RNF169: variants seen among roughly 807,000 people sequenced by gnomAD.
The protein encoded by RNF169 is E3 ubiquitin-protein ligase RNF169.
In RNF169, 24 loss-of-function variants were observed where a neutral mutation model predicts 53.9. The ratio of observed to expected loss-of-function variants is 0.45; its 90% CI spans 0.32 to 0.63. RNF169 has a LOEUF of 0.63. Ranked by LOEUF, RNF169 falls within the 20% of genes least tolerant of loss-of-function variation. RNF169 has a pLI of 0.04. For missense variants in RNF169, 883 were observed against 906.2 expected (o/e 0.97, Z 0.33); for synonymous variants, 396 against 363.5 (o/e 1.09, Z -1.02).
At chr11:74,765,251 T>C (rs1428478496) in intron 1 of RNF169, among the ~76,000 whole-genome samples, 1 of 151,906 alleles carries the variant, frequency 6.6e-6, no homozygotes, top group Non-Finnish European at 1.5e-5. Context: ...ATATATAACT[T>C]GATCTCTACA....
At position 74,770,552 on chromosome 11, in the gene RNF169, A is replaced by AT. The variant is rs571094479; in HGVS notation, c.503-19067dup. Among the ~76,000 whole-genome samples, 89 of 152,216 alleles carry AT rather than the reference A, an allele frequency of 5.8e-4. 2 individuals are homozygous for AT. Among genetic ancestry groups the AT allele is most frequent in the Admixed American group, 3.2e-3 (49 of 15,292 alleles). ...TAAACATATCTACCAGTAGCTCGCTATTTTTTTCAAAATAATGGCTCGCAG... is the reference window on the plus strand; with the variant it reads ...TAAACATATCTACCAGTAGCTCGCTATTTTTTTTCAAAATAATGGCTCGCAG... On this transcript the variant is annotated intron_variant, in intron 1 of 5. Transcript: ENST00000299563.
intron 4 of RNF169, among the ~76,000 whole-genome samples, chr11:74,830,034 A>T (rs2036155452): frequency 6.6e-6 from 1 of 152,208 alleles, no homozygotes; most frequent in South Asian, 2.1e-4. Context: ...AAAATTAAAG[A>T]AAACCTGTAC....
chr11:74,806,148 A>G (rs1046979468), intron 2 of RNF169, among the ~76,000 whole-genome samples: 1 of 152,238 alleles, frequency 6.6e-6, no homozygotes, highest in East Asian at 1.9e-4. Flanking sequence ...ACTAGAGGAA[A>G]AAAACAAACA....
intron 1 of RNF169, among the ~76,000 whole-genome samples, chr11:74,769,203 G>A (rs1357235774): frequency 1.3e-5 from 2 of 152,148 alleles, no homozygotes; most frequent in Non-Finnish European, 2.9e-5. Flanking sequence ...GAAAAATGGT[G>A]AGAAGATTTG....
chr11:74,814,285 A>G (rs2035914064), intron 3 of RNF169, among the ~76,000 whole-genome samples: 1 of 151,790 alleles, frequency 6.6e-6, no homozygotes, highest in South Asian at 2.1e-4. Flanking sequence ...AGCTGAGATC[A>G]TGCTACTATA....
chr11:74,809,233 T>G (rs1424394815), intron 2 of RNF169, among the ~76,000 whole-genome samples: 1 of 152,190 alleles, frequency 6.6e-6, no homozygotes, highest in Non-Finnish European at 1.5e-5. Flanking sequence ...TATAATTGCT[T>G]TGATATACAT....
intron 4 of RNF169, among the ~76,000 whole-genome samples, chr11:74,823,738 GAAAAA>G (rs35164191): frequency 9.5e-6 from 1 of 105,772 alleles, no homozygotes; most frequent in Non-Finnish European, 2.0e-5. Context: ...CCCTGTCTCA[GAAAAA>G]AAAAAAAAAA....
chr11:74,750,071 G>A (rs1280252729), intron 1 of RNF169, among the ~76,000 whole-genome samples: 1 of 152,180 alleles, frequency 6.6e-6, no homozygotes, highest in Non-Finnish European at 1.5e-5. Flanking sequence ...GGTGGCAGGG[G>A]CTGCTTCTAT....
At chr11:74,755,029 T>C (rs1014037664) in intron 1 of RNF169, among the ~76,000 whole-genome samples, 1 of 152,194 alleles carries the variant, frequency 6.6e-6, no homozygotes. Flanking sequence ...CTAAATTACA[T>C]TTAGGACTAA....
At chr11:74,814,759 AATTT>A (rs1287921158) in intron 3 of RNF169, among the ~76,000 whole-genome samples, 12 of 152,084 alleles carry the variant, frequency 7.9e-5, no homozygotes, top group Non-Finnish European at 1.6e-4. Context: ...TTGATTGTAG[AATTT>A]ATTTAAGTAA....
intron 4 of RNF169, among the ~76,000 whole-genome samples, chr11:74,825,096 G>A (rs902583936): frequency 2.6e-5 from 4 of 152,102 alleles, no homozygotes; most frequent in Non-Finnish European, 4.4e-5. Flanking sequence ...GTTAAAAATT[G>A]TTACAAAAGA....
chr11:74,833,934 T>A (rs2036214504), intron 4 of RNF169, among the ~76,000 whole-genome samples: 1 of 152,106 alleles, frequency 6.6e-6, no homozygotes, highest in South Asian at 2.1e-4. Flanking sequence ...AAAATTTAAC[T>A]CAAAATGGAC....
chr11:74,791,303 A>G (rs2035576766), intron 2 of RNF169, among the ~76,000 whole-genome samples: 2 of 147,088 alleles, frequency 1.4e-5, no homozygotes, highest in South Asian at 4.2e-4. Context: ...TGGAAAAAGC[A>G]CTGTAAGTTC....
chr11:74,760,801 G>GT (rs2035069303), intron 1 of RNF169, among the ~76,000 whole-genome samples: 3 of 121,048 alleles, frequency 2.5e-5, no homozygotes, highest in Non-Finnish European at 5.1e-5. Flanking sequence ...ATTTGGGGTG[G>GT]AGAGTTCTGT....
At chr11:74,780,505 C>A (rs568901637) in intron 1 of RNF169, among the ~76,000 whole-genome samples, 5 of 152,224 alleles carry the variant, frequency 3.3e-5, no homozygotes, top group Non-Finnish European at 7.3e-5. Flanking sequence ...TCCAGGAAGC[C>A]TTGCCTTTAA....
At chr11:74,784,035 A>G (rs1444028145) in intron 1 of RNF169, among the ~76,000 whole-genome samples, 5 of 152,172 alleles carry the variant, frequency 3.3e-5, no homozygotes, top group Non-Finnish European at 7.3e-5. Flanking sequence ...TTCCTTTCTC[A>G]TAATAGTCCA....
At chr11:74,772,263 C>G (rs550383757) in intron 1 of RNF169, among the ~76,000 whole-genome samples, 2 of 152,272 alleles carry the variant, frequency 1.3e-5, no homozygotes, top group South Asian at 4.1e-4. Context: ...GGATTTGAAT[C>G]TCAGTTCTGC....
At chr11:74,800,518 T>C (rs1218320715) in intron 2 of RNF169, among the ~76,000 whole-genome samples, 1 of 152,198 alleles carries the variant, frequency 6.6e-6, no homozygotes, top group Non-Finnish European at 1.5e-5. Flanking sequence ...TTTTCTGGTC[T>C]GTAAAATAGA....
rs770886860 is a variant in RNF169, at chr11:74,836,397, T to C, written c.1794T>C (p.His598=). The C allele has an allele frequency of 3.7e-6, 6 of 1,614,088 alleles. No homozygotes were observed. The highest frequency in any genetic ancestry group is 5.1e-6 in the Non-Finnish European group (6 of 1,180,040). The change falls in exon 6 of 6, where the codon CAT becomes CAC. Residue 598 remains histidine, a synonymous_variant. Transcript: ENST00000299563. The part of the protein sequence containing the change: ...KTKQQLKTLN[H]FDLTNGVLVE... ...AGCAACAATTGAAGACATTAAATCA[T>C]TTTGATCTGACTAATGGTGTTCTAG...
Sources: gnomAD v4.1 joint callset for allele counts (sites outside exome capture counted in the v4.1 genomes callset) on GRCh38, gnomAD v4.1.1 for gene constraint, MANE v1.5 for transcripts, NCBI Gene and HGNC (gene_info 2026-07-23, HGNC 2026-07-21) for gene names.